The following SPECC1L variants were observed in gnomAD, a reference collection of about 807,000 sequenced individuals.
SPECC1L encodes the protein sperm antigen with calponin homology and coiled-coil domains 1 like.
In SPECC1L, 40 loss-of-function variants were observed where a neutral mutation model predicts 116.8. The ratio of observed to expected loss-of-function variants is 0.34; its 90% CI spans 0.27 to 0.45. The LOEUF (loss-of-function observed/expected upper bound fraction) is 0.45. SPECC1L is among the 20% of genes least tolerant of loss of function. The pLI, the probability that SPECC1L is intolerant of heterozygous loss-of-function variation, is 1.00. For missense variants in SPECC1L, 1,110 were observed against 1,373.6 expected, an observed-to-expected ratio of 0.81 and a Z score of 3.03; for synonymous variants, 504 against 500.6, an observed-to-expected ratio of 1.01 and a Z score of -0.09.
chr22:24,363,290 C>T lies in SPECC1L; in HGVS notation c.2773C>T (p.Arg925Trp), dbSNP rs199614545. ...EHLLRTSSAS[R>W]PASLPRVPAM... ...TCTGTTAAGAACATCTTCAGCCAGCCGGCCTGCTTCCCTGCCAAGAGTGCC... is the reference window on the plus strand; with the variant it reads ...TCTGTTAAGAACATCTTCAGCCAGCTGGCCTGCTTCCCTGCCAAGAGTGCC... The change falls in exon 12 of 17, where the codon CGG (arginine) becomes TGG (tryptophan). Residue 925 changes from arginine to tryptophan, a missense_variant. Around this residue, in one of 4 missense-constraint regions of SPECC1L, gnomAD observed 575 missense variants for 682.4 expected, o/e 0.84. Transcript: ENST00000314328. The T allele has an allele frequency of 6.2e-6, 10 of 1,614,030 alleles. No homozygotes were observed. In the African/African-American group the frequency reaches 6.7e-5, roughly 11 times the overall value.
chr22:24,309,392 T>G (rs1417927881), intron 3 of SPECC1L, among the ~76,000 whole-genome samples: 2 of 152,056 alleles, frequency 1.3e-5, no homozygotes, highest in Non-Finnish European at 2.9e-5. Flanking sequence ...AAAAACAGTT[T>G]ATCAACTGAA....
chr22:24,339,870 T>C (rs942996493), intron 10 of SPECC1L, among the ~76,000 whole-genome samples: 3 of 152,024 alleles, frequency 2.0e-5, no homozygotes, highest in Non-Finnish European at 4.4e-5. Flanking sequence ...GCACAACCTC[T>C]GCCTCCCAGG....
chr22:24,322,752 C>T lies in SPECC1L; in HGVS notation c.1772C>T (p.Ala591Val). 1 of 1,580,784 alleles carries T rather than the reference C, an allele frequency of 6.3e-7. No individual in the cohort carries two copies. The highest frequency in any genetic ancestry group is 8.6e-7 in the Non-Finnish European group (1 of 1,165,442). The change falls in exon 5 of 17, where the codon GCA becomes GTA. Residue 591 changes from alanine to valine, a missense_variant. By Grantham distance (64) the Ala-to-Val change is moderately conservative. Transcript: ENST00000314328. ...CTGGAGAATGAAAAGCAGAAAGTGG[C>T]AGAGCTGTATTCTATCCATAACTCT... is the stretch of plus-strand genomic sequence containing the variant. ...AQLENEKQKVAELYSIHNSGD... is the reference protein window; with the variant it reads ...AQLENEKQKVVELYSIHNSGD...
chr22:24,288,595 C>G (rs984401470), intron 2 of SPECC1L, among the ~76,000 whole-genome samples: 3 of 126,266 alleles, frequency 2.4e-5, no homozygotes, highest in African/African-American at 8.9e-5. Context: ...AGAAAGACTT[C>G]TCAAATCCAA....
intron 2 of SPECC1L, among the ~76,000 whole-genome samples, chr22:24,300,547 A>T (rs530961066): frequency 2.6e-5 from 4 of 152,234 alleles, no homozygotes; most frequent in Admixed American, 2.0e-4. Context: ...AGGAATCACC[A>T]TACTGTCTTC....
intron 14 of SPECC1L, among the ~76,000 whole-genome samples, chr22:24,370,908 G>T (rs1409462997): frequency 6.6e-6 from 1 of 151,564 alleles, no homozygotes; most frequent in Non-Finnish European, 1.5e-5. Context: ...AATGATGGTT[G>T]CCAGGGGCTG....
chr22:24,350,429 G>A (rs1221548852), intron 11 of SPECC1L, among the ~76,000 whole-genome samples: 1 of 152,126 alleles, frequency 6.6e-6, no homozygotes, highest in Non-Finnish European at 1.5e-5. Context: ...AAAGAAAGAA[G>A]AGTTAAAGCT....
intron 3 of SPECC1L, among the ~76,000 whole-genome samples, chr22:24,313,026 A>G (rs549798219): frequency 1.3e-5 from 2 of 152,344 alleles, no homozygotes; most frequent in South Asian, 2.1e-4. Flanking sequence ...ATCATGTGCT[A>G]TCCCCCATCA....
At chr22:24,301,227 G>A (rs1359892221) in intron 2 of SPECC1L, among the ~76,000 whole-genome samples, 1 of 152,088 alleles carries the variant, frequency 6.6e-6, no homozygotes, top group Admixed American at 6.5e-5. Flanking sequence ...TCTAACAAAG[G>A]TCTAATATCC....
intron 11 of SPECC1L, among the ~76,000 whole-genome samples, chr22:24,359,343 G>A (rs552498195): frequency 6.6e-6 from 1 of 152,218 alleles, no homozygotes; most frequent in South Asian, 2.1e-4. Context: ...ATTCACATCA[G>A]ACTTTTCTTC....
chr22:24,323,400 GT>G (rs1288181950), intron 5 of SPECC1L, among the ~76,000 whole-genome samples: 1 of 152,192 alleles, frequency 6.6e-6, no homozygotes, highest in Non-Finnish European at 1.5e-5. Context: ...AGAGGCTCCT[GT>G]TTCTCAGAGG....
At chr22:24,301,969 C>T (rs2049388585) in intron 2 of SPECC1L, among the ~76,000 whole-genome samples, 1 of 151,918 alleles carries the variant, frequency 6.6e-6, no homozygotes, top group Admixed American at 6.6e-5. Flanking sequence ...TGGTGTGAAC[C>T]CGGGAGGCGG....
At chr22:24,383,120 A>C (rs1248522251) in intron 14 of SPECC1L, among the ~76,000 whole-genome samples, 3 of 152,218 alleles carry the variant, frequency 2.0e-5, no homozygotes, top group Non-Finnish European at 4.4e-5. Flanking sequence ...TTGAGACCTC[A>C]AAAGAATTAT....
intron 4 of SPECC1L, among the ~76,000 whole-genome samples, chr22:24,318,327 C>G (rs903250375): frequency 6.6e-6 from 1 of 152,210 alleles, no homozygotes; most frequent in Non-Finnish European, 1.5e-5. Flanking sequence ...GAGACCAGCC[C>G]GGCCAACACA....
At position 24,330,035 on chromosome 22, in the gene SPECC1L, G is replaced by T. The variant is rs139044639; in HGVS notation, c.2221-221G>T. Reference sequence around the variant, plus strand: ...TGAGTACTTGATGCCTCAGTAGGCAGATCAGCTGGAAAATCTTTTCCTTAT... The same window carrying T: ...TGAGTACTTGATGCCTCAGTAGGCATATCAGCTGGAAAATCTTTTCCTTAT... On this transcript the variant is annotated intron_variant, in intron 7 of 16. Transcript: ENST00000314328. Among the ~76,000 whole-genome samples the T allele has an allele frequency of 2.2e-4, 34 of 152,244 alleles. No homozygotes were observed. The East Asian group carries it at 5.0e-3, about 22-fold the overall frequency.
intron 2 of SPECC1L, among the ~76,000 whole-genome samples, chr22:24,301,161 A>G (rs2049370047): frequency 1.3e-5 from 2 of 152,216 alleles, no homozygotes; most frequent in African/African-American, 2.4e-5. Flanking sequence ...AAAAGAAACT[A>G]TCATCAGAGC....
chr22:24,283,598 G>T (rs2048987678), intron 2 of SPECC1L, among the ~76,000 whole-genome samples: 1 of 152,164 alleles, frequency 6.6e-6, no homozygotes, highest in African/African-American at 2.4e-5. Context: ...TGGCTTCATA[G>T]AATGAGTTGA....
chr22:24,295,296 T>A (rs2049237724), intron 2 of SPECC1L, among the ~76,000 whole-genome samples: 1 of 150,860 alleles, frequency 6.6e-6, no homozygotes, highest in African/African-American at 2.5e-5. Context: ...TAGATATATA[T>A]AAATTAGTAT....
At chr22:24,284,665 G>C (rs2049008333) in intron 2 of SPECC1L, among the ~76,000 whole-genome samples, 2 of 152,148 alleles carry the variant, frequency 1.3e-5, no homozygotes, top group Admixed American at 6.5e-5. Flanking sequence ...TCGATCTCCT[G>C]ACCTCGTGTT....
Sources: allele counts gnomAD v4.1 joint callset (sites outside exome capture counted in the v4.1 genomes callset), GRCh38; gene constraint gnomAD v4.1.1; regional missense constraint gnomAD v4.1.1; transcripts MANE v1.5; gene names NCBI Gene and HGNC (gene_info 2026-07-23, HGNC 2026-07-21).